TARS1: variants seen among roughly 807,000 people sequenced by gnomAD.
The protein encoded by TARS1 is threonyl-tRNA synthetase 1, also known as threonine--tRNA ligase 1, cytoplasmic.
TARS1 carries 57 observed loss-of-function variants against 97.7 expected under a neutral mutation model. The observed-to-expected ratio is 0.58, with a 90% confidence interval of 0.47 to 0.73. TARS1 has a LOEUF of 0.73. Ranked by LOEUF, TARS1 falls within the 30% of genes least tolerant of loss-of-function variation. The probability of loss-of-function intolerance (pLI) is 0.00; values close to 1 mark genes in which losing one functional copy is unlikely to be tolerated. For synonymous variants in TARS1, 312 were observed against 293.7 expected (o/e 1.06, Z -0.64); for missense variants, 806 against 888.3 (o/e 0.91, Z 1.18).
chr5:33,452,584 G>A, intron 3 of TARS1: 1 of 621,592 alleles, frequency 1.6e-6, no homozygotes, highest in South Asian at 2.1e-5. Context: ...TATATTGGGT[G>A]TGTAATGTTT....
At position 33,457,282 on chromosome 5, in the gene TARS1, A is replaced by G. The variant is rs773217815; in HGVS notation, c.863A>G (p.Lys288Arg). The change falls in exon 9 of 19, where the codon AAA becomes AGA. Residue 288 changes from lysine (K) to arginine (R), a missense_variant. By Grantham distance (26) the Lys-to-Arg change is conservative (BLOSUM62 2). Coordinates refer to ENST00000265112, the MANE Select transcript of TARS1 (RefSeq NM_152295.5). ...HKNSSTYWEGKADMETLQRIY... is the reference protein window; with the variant it reads ...HKNSSTYWEGRADMETLQRIY... ...AATTCCTCCACGTACTGGGAAGGCAAAGCAGATATGGAGACTCTCCAGAGA... is the reference window on the plus strand; with the variant it reads ...AATTCCTCCACGTACTGGGAAGGCAGAGCAGATATGGAGACTCTCCAGAGA... 3 of 1,613,898 alleles carry G rather than the reference A, an allele frequency of 1.9e-6. No homozygotes were observed. Among genetic ancestry groups the G allele is most frequent in the South Asian group, 1.1e-5 (1 of 91,038 alleles).
chr5:33,467,481 C>T, intron 18 of TARS1, 79 bp from the exon 19 acceptor site: 1 of 1,524,548 alleles, frequency 6.6e-7, no homozygotes, highest in Non-Finnish European at 8.8e-7. Context: ...GTCCTAGGAT[C>T]ATTTCTTTTC....
At chr5:33,445,198 A>G in intron 1 of TARS1, 126 bp from the exon 2 acceptor site, 1 of 692,610 alleles carries the variant, frequency 1.4e-6, no homozygotes, top group Admixed American at 2.8e-5. Flanking sequence ...GTCTTTCAAT[A>G]TCAGATTTCC....
rs1742625038 is a variant in TARS1, at chr5:33,467,957, A to T, written c.*249A>T. ...TCAGTATCTGAGTACTGGAAGTGAA[A>T]CATGAGGAATGCTTTAGTGTAATGT... is the stretch of plus-strand genomic sequence containing the variant. On this transcript the variant is annotated 3_prime_UTR_variant, in exon 19 of 19. Coordinates refer to ENST00000265112, the MANE Select transcript of TARS1 (RefSeq NM_152295.5). The T allele has an allele frequency of 2.7e-6, 1 of 364,558 alleles. No homozygotes were observed. The highest frequency in any genetic ancestry group is 8.3e-5 in the South Asian group (1 of 11,990). 22.6% of individuals were successfully genotyped at this position (364,558 alleles called of 1,614,324 possible).
At chr5:33,452,933 A>G (rs746836679) in intron 3 of TARS1, among the ~76,000 whole-genome samples, 3 of 152,098 alleles carry the variant, frequency 2.0e-5, no homozygotes, top group Non-Finnish European at 4.4e-5. Flanking sequence ...CCTGCGCAAC[A>G]TAGCAAGACC....
rs115792337 is a variant in TARS1 at position 33,441,049 on chromosome 5, G to A, written c.-38G>A. 0.01 allele frequency: 16,798 copies of A among 1,614,008 alleles called. 119 individuals carry two copies. Among genetic ancestry groups the A allele is most frequent in the Middle Eastern group, 0.033 (197 of 6,042 alleles). ...CCTCTTGGCTCCTCTCCTCTAGGCCGTCGCTTTCGGGTTCTCTCATCGCTT... is the reference window on the plus strand; with the variant it reads ...CCTCTTGGCTCCTCTCCTCTAGGCCATCGCTTTCGGGTTCTCTCATCGCTT... On this transcript the variant is annotated 5_prime_UTR_variant, in exon 1 of 19. Coordinates refer to ENST00000265112, the MANE Select transcript of TARS1 (RefSeq NM_152295.5).
intron 2 of TARS1, among the ~76,000 whole-genome samples, chr5:33,446,975 G>T (rs900957168): frequency 6.6e-6 from 1 of 152,168 alleles, no homozygotes; most frequent in African/African-American, 2.4e-5. Context: ...AGGGACTGCT[G>T]TGGGTGGGAA....
At position 33,452,383 on chromosome 5, in the gene TARS1, G is replaced by T. The variant is rs766325940; in HGVS notation, c.330-906G>T. On this transcript the variant is annotated intron_variant, in intron 3 of 18. Coordinates refer to ENST00000265112, the MANE Select transcript of TARS1 (RefSeq NM_152295.5). The stretch of plus-strand genomic sequence containing the variant: ...AAAACCTCTCTTCACTTGCATCTCT[G>T]CTTGCATCTGTGGCCATTCCCTCAT... The T allele has an allele frequency of 1.6e-5, 25 of 1,535,110 alleles. No individual in the cohort carries two copies. In the Admixed American group the frequency reaches 3.5e-4, roughly 22 times the overall value.
At chr5:33,455,857 T>A in intron 6 of TARS1, 145 bp from the exon 7 acceptor site, 1 of 989,120 alleles carries the variant, frequency 1.0e-6, no homozygotes, top group East Asian at 2.6e-5. Flanking sequence ...ATTTCATTTT[T>A]TTCCTAGCAA....
In TARS1 at chr5:33,467,809, G is replaced by T; in HGVS notation, c.*101G>T. On this transcript the variant is annotated 3_prime_UTR_variant, in exon 19 of 19. Coordinates refer to ENST00000265112, the MANE Select transcript of TARS1 (RefSeq NM_152295.5). The stretch of plus-strand genomic sequence containing the variant: ...ACGTCAATTTATATTGAACTTGGAG[G>T]AGTTTGGCAAAGTCTGAATAGGTCA... 7.3e-7 allele frequency: 1 copy of T among 1,378,226 alleles called. No homozygotes were observed. 85.4% of individuals were successfully genotyped at this position (1,378,226 alleles called of 1,614,324 possible).
Position 33,466,949 on chromosome 5 carries a change from C to T in TARS1, c.1987C>T (p.Arg663Ter), listed in dbSNP as rs761615950. 15 of 1,605,424 alleles carry T rather than the reference C, an allele frequency of 9.3e-6. No individual in the cohort carries two copies. Among genetic ancestry groups the T allele is most frequent in the South Asian group, 3.3e-5 (3 of 89,780 alleles). The change falls in exon 18 of 19, where the codon CGA becomes TGA. Residue 663 changes from arginine (R) to a stop codon, truncating the protein, a stop_gained. Coordinates refer to ENST00000265112, the MANE Select transcript of TARS1 (RefSeq NM_152295.5). LOFTEE classifies it low-confidence loss of function (END_TRUNC). ...AGGCTGTACATTGAATAAAAAGATT[C>T]GAAATGCACAGTTAGCACAGTATAA... ...DPGCTLNKKIRNAQLAQYNFI... is the reference protein window; with the variant it reads ...DPGCTLNKKI
At chr5:33,452,383 G>C in intron 3 of TARS1, 2 of 1,535,228 alleles carry the variant, frequency 1.3e-6, no homozygotes, top group Non-Finnish European at 1.7e-6. Context: ...TTGCATCTCT[G>C]CTTGCATCTG....
chr5:33,463,727 C>G (rs1742402463), intron 16 of TARS1, 26 bp from the exon 17 acceptor site: 2 of 1,595,702 alleles, frequency 1.3e-6, no homozygotes, highest in Non-Finnish European at 8.6e-7. Flanking sequence ...CACATCTACA[C>G]TGAATATTTT....
At position 33,442,646 on chromosome 5, in the gene TARS1, C is replaced by A. The variant is rs905597910; in HGVS notation, c.57+1503C>A. Among the ~76,000 whole-genome samples the A allele has an allele frequency of 1.2e-4, 18 of 152,250 alleles. No individual in the cohort carries two copies. In the East Asian group the frequency reaches 3.1e-3, roughly 26 times the overall value. On this transcript the variant is annotated intron_variant, in intron 1 of 18. Coordinates refer to ENST00000265112, the MANE Select transcript of TARS1 (RefSeq NM_152295.5). ...CACCTCCCGGGTTCATGCCATTCTC[C>A]TGCCTCAGCCACCAGGCCTGGCTAA...
intron 12 of TARS1, 26 bp from the exon 13 acceptor site, chr5:33,461,132 T>C (rs1742272924): frequency 1.2e-6 from 2 of 1,602,448 alleles, no homozygotes; most frequent in African/African-American, 2.7e-5. Flanking sequence ...TAACTACTGT[T>C]TCTTTTTTTG....
At chr5:33,441,360 A>C (rs1305139706) in intron 1 of TARS1, 1 of 580,610 alleles carries the variant, frequency 1.7e-6, no homozygotes, top group African/African-American at 1.9e-5. Flanking sequence ...CTGTGGGTCC[A>C]TTCTCTTTAC....
chr5:33,465,919 G>C (rs1742509484), intron 17 of TARS1: 1 of 152,192 alleles, frequency 6.6e-6, no homozygotes, highest in Admixed American at 6.5e-5. Context: ...GAGTATGATA[G>C]TTACTATTTC....
intron 17 of TARS1, chr5:33,465,963 A>G (rs16891180): frequency 0.21 from 31,792 of 152,150 alleles, 3,745 homozygotes; most frequent in East Asian, 0.5. Flanking sequence ...TTTCCTGGAA[A>G]AATTCATTCT....
chr5:33,465,800 A>G (rs79122509), intron 17 of TARS1, among the ~76,000 whole-genome samples: 3,865 of 152,350 alleles, frequency 0.025, 172 homozygotes, highest in African/African-American at 0.089. Context: ...CATTTGAGAA[A>G]TGAATGTGTT....
Sources: allele counts gnomAD v4.1 joint callset (sites outside exome capture counted in the v4.1 genomes callset), GRCh38; gene constraint gnomAD v4.1.1; transcripts MANE v1.5; gene names NCBI Gene and HGNC (gene_info 2026-07-23, HGNC 2026-07-21).